The following JAML variants were observed in gnomAD, a reference collection of about 807,000 sequenced individuals.
JAML encodes junction adhesion molecule like, also known as junctional adhesion molecule-like.
A neutral mutation model predicts 39.3 loss-of-function variants in JAML; 25 were observed. The observed-to-expected ratio is 0.64, with a 90% CI of 0.46 to 0.89. The LOEUF (loss-of-function observed/expected upper bound fraction) is 0.89, where lower values mean the gene tolerates loss of function less well. JAML is among the 40% of genes least tolerant of loss of function. The pLI, the probability that JAML is intolerant of heterozygous loss-of-function variation, is 0.00. For synonymous variants in JAML, 162 were observed against 179.2 expected (o/e 0.90, Z 0.77); for missense variants, 440 against 486.9 (o/e 0.90, Z 0.91).
chr11:118,213,224 G>A (rs1018963422), intron 2 of JAML: 17 of 1,290,164 alleles, frequency 1.3e-5, no homozygotes, highest in Non-Finnish European at 1.4e-5. Flanking sequence ...AAGCAATTTC[G>A]AGCGGTCACT....
intron 7 of JAML, 93 bp downstream of exon 7, chr11:118,200,381 A>G: frequency 1.4e-6 from 2 of 1,445,656 alleles, no homozygotes; most frequent in East Asian, 2.3e-5. Flanking sequence ...TGAGAATGGC[A>G]TAAGTAGGGC....
intron 6 of JAML, chr11:118,202,847 T>G (rs772338084): frequency 1.4e-4 from 59 of 418,624 alleles, no homozygotes; most frequent in Non-Finnish European, 2.6e-4. Context: ...GGTTTAACTT[T>G]AACCCCTCAC....
At chr11:118,195,171 G>A (rs1474393093) in intron 9 of JAML, among the ~76,000 whole-genome samples, 1 of 152,190 alleles carries the variant, frequency 6.6e-6, no homozygotes, top group East Asian at 1.9e-4. Flanking sequence ...TGTATCAGCA[G>A]GTCTCCAGGA....
At chr11:118,223,501 G>T (rs1037772201) in intron 1 of JAML, among the ~76,000 whole-genome samples, 1 of 152,006 alleles carries the variant, frequency 6.6e-6, no homozygotes. Flanking sequence ...CAAGATTTTT[G>T]CATAATATTT....
intron 5 of JAML, 166 bp downstream of exon 5, chr11:118,205,716 A>C (rs1392262238): frequency 6.5e-6 from 4 of 610,786 alleles, no homozygotes; most frequent in African/African-American, 5.6e-5. Context: ...TCTTCATTGG[A>C]GTTATCTTTC....
intron 2 of JAML, chr11:118,213,409 A>T: frequency 1.1e-6 from 1 of 910,244 alleles, no homozygotes; most frequent in Non-Finnish European, 1.3e-6. Flanking sequence ...TGTTTCCCTG[A>T]GAGAAGACAG....
At chr11:118,207,823 T>C (rs1714239361) in intron 4 of JAML, among the ~76,000 whole-genome samples, 1 of 152,222 alleles carries the variant, frequency 6.6e-6, no homozygotes, top group Non-Finnish European at 1.5e-5. Flanking sequence ...CTAGCCTGTT[T>C]CCATGGATTC....
At chr11:118,200,351 T>A in intron 7 of JAML, 123 bp downstream of exon 7, 1 of 1,231,800 alleles carries the variant, frequency 8.1e-7, no homozygotes, top group Non-Finnish European at 1.1e-6. Context: ...GATGATTCCA[T>A]TTAAAAATAC....
intron 3 of JAML, among the ~76,000 whole-genome samples, chr11:118,211,764 ACTGT>A (rs1025887213): frequency 2.6e-5 from 4 of 152,222 alleles, no homozygotes; most frequent in African/African-American, 9.6e-5. Flanking sequence ...ATCTATACAG[ACTGT>A]CTGATGAGGC....
intron 1 of JAML, among the ~76,000 whole-genome samples, chr11:118,219,986 G>A (rs749686575): frequency 1.5e-4 from 23 of 152,194 alleles, no homozygotes; most frequent in Non-Finnish European, 3.2e-4. Flanking sequence ...TTCCTGGTGT[G>A]GCCTGAAGGC....
chr11:118,205,756 G>A, intron 5 of JAML, 126 bp downstream of exon 5: 1 of 759,786 alleles, frequency 1.3e-6, no homozygotes, highest in Non-Finnish European at 2.2e-6. Context: ...GCTAGGAGAA[G>A]GTCCAGTTCT....
At chr11:118,207,595 T>C (rs1281033116) in intron 4 of JAML, among the ~76,000 whole-genome samples, 1 of 152,168 alleles carries the variant, frequency 6.6e-6, no homozygotes, top group African/African-American at 2.4e-5. Context: ...AGAGAGACTA[T>C]CAACTGAAGG....
chr11:118,198,190 C>T lies in JAML; in HGVS notation c.912-99G>A, dbSNP rs551472762. ...TCTTGGCTTCGTGAAGAGAGAGACACCAGAGAAGGAACTATTCTCTCTGGA... is the reference window on the plus strand; with the variant it reads ...TCTTGGCTTCGTGAAGAGAGAGACATCAGAGAAGGAACTATTCTCTCTGGA... On this transcript the variant is annotated intron_variant, in intron 7 of 9. Coordinates refer to ENST00000356289, the MANE Select transcript of JAML (RefSeq NM_001098526.2). 144 of 983,048 alleles carry T rather than the reference C, an allele frequency of 1.5e-4. 3 individuals are homozygous for T. In the South Asian group the frequency reaches 1.8e-3, roughly 12 times the overall value. 60.9% of individuals were successfully genotyped at this position (983,048 alleles called of 1,614,324 possible).
At chr11:118,203,748 A>C in intron 5 of JAML, 83 bp from the exon 6 acceptor site, 2 of 1,130,688 alleles carry the variant, frequency 1.8e-6, no homozygotes, top group Non-Finnish European at 2.7e-6. Flanking sequence ...GGAAGATCTC[A>C]GGACTCCAAG....
chr11:118,218,093 T>C (rs767004854), intron 1 of JAML, among the ~76,000 whole-genome samples: 35 of 152,120 alleles, frequency 2.3e-4, no homozygotes, highest in Non-Finnish European at 4.3e-4. Flanking sequence ...CCAAGCCACA[T>C]GTCTTTTTTT....
intron 7 of JAML, among the ~76,000 whole-genome samples, chr11:118,199,701 T>A (rs866408628): frequency 0.035 from 5,013 of 143,908 alleles, 92 homozygotes; most frequent in Non-Finnish European, 0.048. Context: ...TTATTTTTTT[T>A]TTTTTTTTTT....
chr11:118,215,568 A>G (rs546815928), intron 1 of JAML, among the ~76,000 whole-genome samples: 4 of 151,794 alleles, frequency 2.6e-5, no homozygotes, highest in African/African-American at 9.7e-5. Context: ...AGCTGGTCTC[A>G]AACTCCTGGG....
chr11:118,218,267 A>T (rs1054535759), intron 1 of JAML, among the ~76,000 whole-genome samples: 2 of 151,944 alleles, frequency 1.3e-5, no homozygotes, highest in Non-Finnish European at 2.9e-5. Flanking sequence ...CTAATTTTGT[A>T]CTTTTAGTAG....
intron 2 of JAML, 87 bp from the exon 3 acceptor site, chr11:118,212,648 C>T (rs1213642096): frequency 1.3e-6 from 2 of 1,543,008 alleles, no homozygotes; most frequent in Admixed American, 1.9e-5. Flanking sequence ...GTACTAAACA[C>T]CCCTCTCCCT....
Sources: allele counts gnomAD v4.1 joint callset (sites outside exome capture counted in the v4.1 genomes callset), GRCh38; gene constraint gnomAD v4.1.1; transcripts MANE v1.5; gene names NCBI Gene and HGNC (gene_info 2026-07-23, HGNC 2026-07-21).